Variants in GTF2H3 observed in about 807,000 individuals in gnomAD.
GTF2H3 encodes the protein general transcription factor IIH subunit 3, also known as TFIIH basal transcription factor complex p34 subunit.
Under a neutral mutation model 51.1 loss-of-function variants are expected in GTF2H3, and 42 were observed. The ratio of observed to expected loss-of-function variants is 0.82; its 90% confidence interval spans 0.64 to 1.06. The LOEUF is 1.06. Among genes scored for constraint, GTF2H3 ranks in the 50% least tolerant of loss-of-function variants. The probability of loss-of-function intolerance (pLI) is 0.00; values close to 1 mark genes in which losing one functional copy is unlikely to be tolerated. For synonymous variants in GTF2H3, 123 were observed against 123.8 expected (o/e 0.99, Z 0.04); for missense variants, 326 against 366.1 (o/e 0.89, Z 0.89).
At chr12:123,650,747 C>T (rs1391080098) in intron 4 of GTF2H3, among the ~76,000 whole-genome samples, 1 of 152,190 alleles carries the variant, frequency 6.6e-6, no homozygotes, top group Non-Finnish European at 1.5e-5. Flanking sequence ...GTTCCCCCTG[C>T]CCTCTGGCTA....
intron 4 of GTF2H3, chr12:123,649,559 A>G (rs1250561579): frequency 6.6e-6 from 1 of 152,250 alleles, no homozygotes; most frequent in Non-Finnish European, 1.5e-5. Flanking sequence ...CTTTGCACTC[A>G]GCCTCCAGAG....
At chr12:123,660,025 C>CTT in intron 11 of GTF2H3, 21 bp from the exon 12 acceptor site, 1 of 1,240,000 alleles carries the variant, frequency 8.1e-7, no homozygotes, top group Non-Finnish European at 1.1e-6. Context: ...CCTATTGTTT[C>CTT]TTTTTTTTTT....
At chr12:123,642,245 A>T (rs997052617) in intron 2 of GTF2H3, among the ~76,000 whole-genome samples, 2 of 134,964 alleles carry the variant, frequency 1.5e-5, no homozygotes, top group Non-Finnish European at 3.2e-5. Flanking sequence ...ATTTTGGCTT[A>T]CTGCAACCTC....
intron 1 of GTF2H3, among the ~76,000 whole-genome samples, chr12:123,637,890 T>C (rs1480287378): frequency 1.3e-5 from 2 of 152,180 alleles, no homozygotes; most frequent in Non-Finnish European, 2.9e-5. Flanking sequence ...CTCCCTTTAA[T>C]TTTTTGCTCC....
intron 9 of GTF2H3, among the ~76,000 whole-genome samples, chr12:123,657,406 G>A (rs1445735655): frequency 6.6e-6 from 1 of 152,098 alleles, no homozygotes; most frequent in African/African-American, 2.4e-5. Flanking sequence ...CCGCCCCCTT[G>A]CTATTGCCTG....
intron 9 of GTF2H3, among the ~76,000 whole-genome samples, chr12:123,659,028 C>T (rs1197363605): frequency 6.6e-6 from 1 of 152,188 alleles, no homozygotes; most frequent in African/African-American, 2.4e-5. Flanking sequence ...CACTAGGACA[C>T]ATGTAATCAA....
chr12:123,652,139 T>C (rs1047442024), intron 5 of GTF2H3, among the ~76,000 whole-genome samples: 8 of 152,228 alleles, frequency 5.3e-5, no homozygotes, highest in Admixed American at 2.6e-4. Context: ...CTCAGTCTTA[T>C]GGCATTAATT....
intron 1 of GTF2H3, among the ~76,000 whole-genome samples, chr12:123,635,533 A>G (rs916733712): frequency 2.7e-5 from 4 of 148,424 alleles, no homozygotes; most frequent in Admixed American, 1.4e-4. Context: ...AGATCGTGCC[A>G]CTGCACTCCA....
chr12:123,643,351 C>T (rs921876092), intron 2 of GTF2H3, among the ~76,000 whole-genome samples: 2 of 152,126 alleles, frequency 1.3e-5, no homozygotes, highest in African/African-American at 4.8e-5. Flanking sequence ...TTCGTATGTA[C>T]TTGTGTACAT....
chr12:123,636,027 A>C (rs1317170028), intron 1 of GTF2H3, among the ~76,000 whole-genome samples: 1 of 152,206 alleles, frequency 6.6e-6, no homozygotes, highest in African/African-American at 2.4e-5. Flanking sequence ...AATACCATAT[A>C]TCATATTTCA....
intron 2 of GTF2H3, among the ~76,000 whole-genome samples, chr12:123,644,917 A>G (rs1156612023): frequency 3.3e-5 from 5 of 152,208 alleles, no homozygotes; most frequent in African/African-American, 7.2e-5. Flanking sequence ...TTACACTGCA[A>G]ATATTTGTGG....
At chr12:123,652,808 T>C in intron 7 of GTF2H3, 73 bp downstream of exon 7, 12 of 1,339,204 alleles carry the variant, frequency 9.0e-6, no homozygotes, top group Non-Finnish European at 1.2e-5. Context: ...CCAGGTGTGG[T>C]GGCTCACACC....
chr12:123,634,506 C>T (rs1051273583), intron 1 of GTF2H3, among the ~76,000 whole-genome samples: 18 of 152,170 alleles, frequency 1.2e-4, no homozygotes, highest in Non-Finnish European at 2.2e-4. Context: ...TGTAACAGTA[C>T]GGTCCTAGTT....
intron 7 of GTF2H3, among the ~76,000 whole-genome samples, chr12:123,653,521 C>T (rs986183726): frequency 1.5e-4 from 22 of 151,546 alleles, no homozygotes; most frequent in African/African-American, 3.9e-4. Flanking sequence ...ATGTCGTGGG[C>T]GCCTGTAGTC....
intron 2 of GTF2H3, among the ~76,000 whole-genome samples, chr12:123,640,637 C>T (rs921488208): frequency 2.0e-5 from 3 of 152,090 alleles, no homozygotes; most frequent in South Asian, 2.1e-4. Flanking sequence ...TGTGCCTGGC[C>T]TTGTCTGTTC....
intron 2 of GTF2H3, among the ~76,000 whole-genome samples, chr12:123,643,492 A>G (rs141061279): frequency 2.0e-5 from 3 of 152,322 alleles, no homozygotes; most frequent in African/African-American, 7.2e-5. Context: ...TCTTGTACCA[A>G]CACAAAATGT....
At chr12:123,639,044 C>T (rs1255143300) in intron 1 of GTF2H3, among the ~76,000 whole-genome samples, 1 of 152,158 alleles carries the variant, frequency 6.6e-6, no homozygotes, top group Non-Finnish European at 1.5e-5. Context: ...ATCTGCCTGC[C>T]TCGGCCTCCC....
At chr12:123,634,294 T>C (rs1955239680) in intron 1 of GTF2H3, among the ~76,000 whole-genome samples, 1 of 151,940 alleles carries the variant, frequency 6.6e-6, no homozygotes, top group African/African-American at 2.4e-5. Context: ...AATGAAATAT[T>C]AGCCGGGCGT....
At chr12:123,637,928 A>G (rs1955309036) in intron 1 of GTF2H3, among the ~76,000 whole-genome samples, 1 of 152,048 alleles carries the variant, frequency 6.6e-6, no homozygotes, top group South Asian at 2.1e-4. Context: ...GATTCCTACT[A>G]CTAGTTAACC....
Sources: allele counts gnomAD v4.1 joint callset (sites outside exome capture counted in the v4.1 genomes callset), GRCh38; gene constraint gnomAD v4.1.1; transcripts MANE v1.5; gene names NCBI Gene and HGNC (gene_info 2026-07-23, HGNC 2026-07-21).